The following CEP89 variants were observed in gnomAD, a reference collection of about 807,000 sequenced individuals.
The protein encoded by CEP89 is centrosomal protein 89, also known as centrosomal protein of 89 kDa.
A neutral mutation model predicts 97.6 loss-of-function variants in CEP89; 95 were observed. That is an observed-to-expected ratio of 0.97 (90% confidence interval 0.82 to 1.15). The LOEUF (loss-of-function observed/expected upper bound fraction) is 1.15. Ranked by LOEUF, CEP89 falls within the 50% of genes most tolerant of loss-of-function variation. The probability of loss-of-function intolerance (pLI) is 0.00; values close to 1 mark genes in which losing one functional copy is unlikely to be tolerated. For synonymous variants in CEP89, 354 were observed against 349.1 expected, an observed-to-expected ratio of 1.01 and a Z score of -0.16; for missense variants, 869 against 947.7, an observed-to-expected ratio of 0.92 and a Z score of 1.09.
rs796172748 is a variant in CEP89, at chr19:32,968,311, C to T, written c.40-1845G>A. 2.2e-4 allele frequency among the ~76,000 whole-genome samples: 33 copies of T among 152,312 alleles called. No individual in the cohort carries two copies. The Middle Eastern group carries it at 0.014, about 63-fold the overall frequency. On this transcript the variant is annotated intron_variant, in intron 1 of 18. Transcript: ENST00000305768. ...TCACCCAGGCTGGAGTGCGGTGGCACGATCTTGGCTCACTGCAACCTCCAC... is the reference window on the plus strand; with the variant it reads ...TCACCCAGGCTGGAGTGCGGTGGCATGATCTTGGCTCACTGCAACCTCCAC...
intron 5 of CEP89, among the ~76,000 whole-genome samples, chr19:32,943,228 C>G (rs924217899): frequency 1.3e-5 from 2 of 152,324 alleles, no homozygotes; most frequent in South Asian, 2.1e-4. Flanking sequence ...AATTCCTGGG[C>G]TCGAGCAATC....
At chr19:32,902,463 A>C (rs1186290923) in intron 14 of CEP89, among the ~76,000 whole-genome samples, 1 of 152,238 alleles carries the variant, frequency 6.6e-6, no homozygotes, top group African/African-American at 2.4e-5. Context: ...GAATGTTGAA[A>C]ATACCAAGAC....
At chr19:32,953,867 CTTTT>C (rs11339044) in intron 3 of CEP89, 66 bp from the exon 4 acceptor site, 10,234 of 600,136 alleles carry the variant, frequency 0.017, no homozygotes, top group South Asian at 0.024. Flanking sequence ...TGATAAATAT[CTTTT>C]TTTTTTTTTT....
At chr19:32,915,744 C>T (rs143319858) in intron 13 of CEP89, among the ~76,000 whole-genome samples, 1,736 of 151,656 alleles carry the variant, frequency 0.011, 39 homozygotes, top group African/African-American at 0.041. Context: ...GTTGGTGAAA[C>T]CCTGTCTCTA....
intron 7 of CEP89, among the ~76,000 whole-genome samples, chr19:32,934,258 C>A (rs1221872419): frequency 6.6e-6 from 1 of 152,112 alleles, no homozygotes; most frequent in Admixed American, 6.5e-5. Flanking sequence ...TGAGGAGAGG[C>A]AGGCTTGGGT....
At chr19:32,900,327 C>A (rs952364472) in intron 15 of CEP89, among the ~76,000 whole-genome samples, 3 of 148,492 alleles carry the variant, frequency 2.0e-5, no homozygotes, top group African/African-American at 7.5e-5. Flanking sequence ...CTCACTGTAA[C>A]CTCCGCCTCT....
intron 2 of CEP89, among the ~76,000 whole-genome samples, chr19:32,960,796 C>G (rs1243860066): frequency 6.9e-6 from 1 of 144,702 alleles, no homozygotes; most frequent in African/African-American, 2.6e-5. Context: ...GGCAACAGAG[C>G]AAGTCTCCAT....
At chr19:32,886,697 G>A (rs1025658840) in intron 17 of CEP89, among the ~76,000 whole-genome samples, 7 of 152,150 alleles carry the variant, frequency 4.6e-5, no homozygotes, top group African/African-American at 9.6e-5. Context: ...CAACTACTCC[G>A]AGGATCACTC....
chr19:32,884,075 C>T (rs59668479), intron 17 of CEP89, among the ~76,000 whole-genome samples: 12,386 of 152,104 alleles, frequency 0.081, 1,575 homozygotes, highest in African/African-American at 0.27. Context: ...CTCGAACTCT[C>T]AGACTCAACT....
chr19:32,970,869 A>G (rs1261564162), intron 1 of CEP89: 4 of 152,176 alleles, frequency 2.6e-5, no homozygotes, highest in African/African-American at 9.7e-5. Context: ...AAATAAATAA[A>G]AAATACCTAG....
At chr19:32,902,953 T>A (rs1375192770) in intron 14 of CEP89, among the ~76,000 whole-genome samples, 2 of 152,186 alleles carry the variant, frequency 1.3e-5, no homozygotes, top group East Asian at 3.9e-4. Flanking sequence ...TTGGATAGAA[T>A]CCTTAGAAGA....
chr19:32,917,745 G>C, intron 13 of CEP89: 3 of 967,248 alleles, frequency 3.1e-6, no homozygotes, highest in Non-Finnish European at 3.7e-6. Context: ...ATGGGAAGAG[G>C]GACACTCTCG....
At chr19:32,912,427 A>C (rs1300495122) in intron 14 of CEP89, among the ~76,000 whole-genome samples, 17 of 152,098 alleles carry the variant, frequency 1.1e-4, no homozygotes. Context: ...TTAAGATCAA[A>C]AACAGGTTTC....
chr19:32,966,010 T>G (rs1971275291), intron 2 of CEP89: 1 of 158,344 alleles, frequency 6.3e-6, no homozygotes. Context: ...AGAACAAGAC[T>G]CCGTTTCGAA....
At chr19:32,932,799 A>C (rs545837324) in intron 8 of CEP89, among the ~76,000 whole-genome samples, 162 of 149,462 alleles carry the variant, frequency 1.1e-3, no homozygotes, top group African/African-American at 3.4e-3. Context: ...AAAAAAAAAA[A>C]CTTAGCCAGG....
chr19:32,924,368 C>T (rs1181856847), intron 11 of CEP89, among the ~76,000 whole-genome samples: 1 of 152,116 alleles, frequency 6.6e-6, no homozygotes, highest in Non-Finnish European at 1.5e-5. Flanking sequence ...GCTTCACTGG[C>T]CATTAGCCAC....
At chr19:32,955,705 G>A (rs1022745075) in intron 3 of CEP89, among the ~76,000 whole-genome samples, 2 of 152,026 alleles carry the variant, frequency 1.3e-5, no homozygotes, top group Non-Finnish European at 2.9e-5. Flanking sequence ...GTAGACATGG[G>A]GTTTCACCAC....
chr19:32,920,635 C>A (rs1446425072), intron 12 of CEP89, among the ~76,000 whole-genome samples: 1 of 151,938 alleles, frequency 6.6e-6, no homozygotes, highest in Non-Finnish European at 1.5e-5. Flanking sequence ...AGGCGTGCAC[C>A]ACCACACCTG....
chr19:32,971,784 C>T (rs1971418005), intron 1 of CEP89, 52 bp downstream of exon 1: 1 of 1,559,228 alleles, frequency 6.4e-7, no homozygotes, highest in Non-Finnish European at 8.7e-7. Context: ...CACTTTACCC[C>T]TAATTCCCGG....
Sources: allele counts gnomAD v4.1 joint callset (sites outside exome capture counted in the v4.1 genomes callset), GRCh38; gene constraint gnomAD v4.1.1; transcripts MANE v1.5; gene names NCBI Gene and HGNC (gene_info 2026-07-23, HGNC 2026-07-21).